SSBP2: variants seen among roughly 807,000 people sequenced by gnomAD.
The protein encoded by SSBP2 is single stranded DNA binding protein 2.
In SSBP2, 17 loss-of-function variants were observed where a neutral mutation model predicts 61.8. That is an observed-to-expected ratio of 0.28 (90% CI 0.19 to 0.41). The LOEUF (loss-of-function observed/expected upper bound fraction) is 0.41. SSBP2 is among the 10% of genes least tolerant of loss of function. The pLI is 1.00. For synonymous variants in SSBP2, 139 were observed against 141.3 expected, an observed-to-expected ratio of 0.98 and a Z score of 0.12; for missense variants, 310 against 458.7, an observed-to-expected ratio of 0.68 and a Z score of 2.96.
At chr5:81,523,498 A>G (rs1769660059) in intron 4 of SSBP2, among the ~76,000 whole-genome samples, 1 of 152,082 alleles carries the variant, frequency 6.6e-6, no homozygotes, top group Non-Finnish European at 1.5e-5. Flanking sequence ...GCCTGAGGCT[A>G]AGACGTACTG....
At chr5:81,719,405 G>A (rs1305031635) in intron 1 of SSBP2, among the ~76,000 whole-genome samples, 2 of 152,212 alleles carry the variant, frequency 1.3e-5, no homozygotes, top group African/African-American at 2.4e-5. Context: ...GAGATGTCCT[G>A]TATGGGCTTC....
intron 5 of SSBP2, among the ~76,000 whole-genome samples, chr5:81,503,981 T>G (rs1561478886): frequency 6.6e-6 from 1 of 152,054 alleles, no homozygotes. Flanking sequence ...TGGGGCCTAC[T>G]TGAGGGTGGA....
intron 4 of SSBP2, among the ~76,000 whole-genome samples, chr5:81,610,358 G>A (rs1745324707): frequency 1.3e-5 from 2 of 152,164 alleles, no homozygotes; most frequent in South Asian, 2.1e-4. Context: ...TAGTAGTTGT[G>A]CCCTTGTCTT....
intron 4 of SSBP2, among the ~76,000 whole-genome samples, chr5:81,587,903 A>G (rs1447852542): frequency 6.6e-6 from 1 of 152,168 alleles, no homozygotes; most frequent in Non-Finnish European, 1.5e-5. Context: ...ACTGAGCCCA[A>G]TCATTTTCTG....
At chr5:81,502,681 A>G (rs760855517) in intron 5 of SSBP2, among the ~76,000 whole-genome samples, 1 of 152,218 alleles carries the variant, frequency 6.6e-6, no homozygotes, top group Non-Finnish European at 1.5e-5. Context: ...AGTTTTATAC[A>G]CATCAGTAAA....
chr5:81,533,589 A>C (rs1384740114), intron 4 of SSBP2, among the ~76,000 whole-genome samples: 3 of 152,106 alleles, frequency 2.0e-5, no homozygotes, highest in African/African-American at 7.2e-5. Context: ...CCTAATAAAA[A>C]GTAAAAAGCT....
At chr5:81,541,812 A>T (rs1771296078) in intron 4 of SSBP2, among the ~76,000 whole-genome samples, 2 of 152,374 alleles carry the variant, frequency 1.3e-5, no homozygotes, top group African/African-American at 4.8e-5. Context: ...TCAAACTATA[A>T]GAATCCTAGA....
At chr5:81,563,239 A>T (rs892472760) in intron 4 of SSBP2, among the ~76,000 whole-genome samples, 4 of 152,322 alleles carry the variant, frequency 2.6e-5, no homozygotes, top group Admixed American at 6.5e-5. Flanking sequence ...ATGCAAATAC[A>T]ATCCAAAGGA....
At chr5:81,475,618 T>C (rs1157471779) in intron 6 of SSBP2, among the ~76,000 whole-genome samples, 1 of 152,166 alleles carries the variant, frequency 6.6e-6, no homozygotes, top group Non-Finnish European at 1.5e-5. Context: ...TCAGTTTTTT[T>C]TCCTATTCAT....
chr5:81,550,433 A>G (rs1045219139), intron 4 of SSBP2, among the ~76,000 whole-genome samples: 4 of 152,224 alleles, frequency 2.6e-5, no homozygotes, highest in Admixed American at 2.6e-4. Context: ...GAAATGTCAT[A>G]TTAAAATACT....
intron 5 of SSBP2, among the ~76,000 whole-genome samples, chr5:81,498,024 C>G (rs1158654549): frequency 6.6e-6 from 1 of 152,030 alleles, no homozygotes; most frequent in Non-Finnish European, 1.5e-5. Flanking sequence ...ATGTTTATAA[C>G]TGGGAACCTA....
intron 4 of SSBP2, among the ~76,000 whole-genome samples, chr5:81,541,446 G>C (rs1314827539): frequency 1.3e-5 from 2 of 150,244 alleles, no homozygotes; most frequent in Non-Finnish European, 3.0e-5. Context: ...CACCAAAAAA[G>C]AGCCAAAATA....
At chr5:81,693,185 G>A (rs1753344550) in intron 1 of SSBP2, among the ~76,000 whole-genome samples, 1 of 143,386 alleles carries the variant, frequency 7.0e-6, no homozygotes, top group South Asian at 2.2e-4. Context: ...GCCTGGCGAT[G>A]GAGCAAGACT....
intron 4 of SSBP2, among the ~76,000 whole-genome samples, chr5:81,534,219 A>C (rs556679595): frequency 4.6e-5 from 7 of 152,186 alleles, no homozygotes; most frequent in Admixed American, 2.0e-4. Context: ...ACTATGAAGA[A>C]CATTTCCCCT....
At position 81,670,996 on chromosome 5, in the gene SSBP2, T is replaced by C. The variant is rs1399775405; in HGVS notation, c.63-20657A>G. ...TTTCTCCAAATGAATTCTGAGTTTT[T>C]CTCATTGCTAATTTCAGCAATATAT... On this transcript the variant is annotated intron_variant, in intron 1 of 16. Transcript: ENST00000320672. 2.0e-5 allele frequency among the ~76,000 whole-genome samples: 3 copies of C among 152,178 alleles called. No individual in the cohort carries two copies. The East Asian group carries it at 5.8e-4, about 29-fold the overall frequency.
rs1482105588 is a variant in SSBP2 at position 81,445,141 on chromosome 5, T to TATAC, written c.778+1726_778+1727insGTAT. 4.1e-4 allele frequency among the ~76,000 whole-genome samples: 17 copies of TATAC among 41,742 alleles called. 2 individuals carry two copies. Among genetic ancestry groups the TATAC allele is most frequent in the African/African-American group, 2.1e-3 (16 of 7,598 alleles). The allele number at this position is 41,742 out of a possible 152,430, so 27.4% of individuals were successfully genotyped here. ...CTCAGCAAAGAAAAAAAAAATTTTATATATATATATATATATATATATATA... is the reference window on the plus strand; with the variant it reads ...CTCAGCAAAGAAAAAAAAAATTTTATATACATATATATATATATATATATATATA... On this transcript the variant is annotated intron_variant, in intron 12 of 16. Transcript: ENST00000320672.
chr5:81,579,423 A>C (rs1468862656), intron 4 of SSBP2, among the ~76,000 whole-genome samples: 3 of 152,088 alleles, frequency 2.0e-5, no homozygotes, highest in African/African-American at 7.2e-5. Flanking sequence ...TTATGAGGGC[A>C]AAAGAGAAAA....
chr5:81,508,855 C>T (rs1273705110), intron 5 of SSBP2, among the ~76,000 whole-genome samples: 4 of 152,042 alleles, frequency 2.6e-5, no homozygotes, highest in African/African-American at 4.8e-5. Context: ...AATACTTAGG[C>T]GGGGACTTCA....
intron 8 of SSBP2, among the ~76,000 whole-genome samples, chr5:81,470,173 T>C (rs1178626816): frequency 1.3e-5 from 2 of 151,916 alleles, no homozygotes; most frequent in Admixed American, 6.6e-5. Flanking sequence ...TTCTTTATCC[T>C]TCAGATTTCT....
Sources: allele counts gnomAD v4.1 joint callset (sites outside exome capture counted in the v4.1 genomes callset), GRCh38; gene constraint gnomAD v4.1.1; transcripts MANE v1.5; gene names NCBI Gene and HGNC (gene_info 2026-07-23, HGNC 2026-07-21).